ZNF33B: variants seen among roughly 807,000 people sequenced by gnomAD.
The protein encoded by ZNF33B is zinc finger protein 33B.
In ZNF33B, 29 loss-of-function variants were observed where a neutral mutation model predicts 45.8. That is an observed-to-expected ratio of 0.63 (90% confidence interval 0.47 to 0.86). The LOEUF (loss-of-function observed/expected upper bound fraction) is 0.86. ZNF33B is among the 40% of genes least tolerant of loss of function. The probability of loss-of-function intolerance (pLI) is 0.00; values close to 1 mark genes in which losing one functional copy is unlikely to be tolerated. For synonymous variants in ZNF33B, 305 were observed against 307.8 expected (o/e 0.99, Z 0.10); for missense variants, 831 against 909.9 (o/e 0.91, Z 1.12).
chr10:42,636,854 TACTG>T lies in ZNF33B; in HGVS notation c.9+62_9+65del. Reference sequence around the variant, plus strand: ...CAAACAAAACAAAACAAAAAAACCATACTGACTCTTACAAATCTCACAAAGTCCA... The same window carrying T: ...CAAACAAAACAAAACAAAAAAACCATACTCTTACAAATCTCACAAAGTCCA... On this transcript the variant is annotated intron_variant, in intron 2 of 4. Transcript: ENST00000359467. 3.1e-6 allele frequency: 5 copies of T among 1,607,952 alleles called. No homozygotes were observed. In the South Asian group the frequency reaches 5.5e-5, roughly 18 times the overall value.
At chr10:42,602,682 A>G (rs552301877) in intron 4 of ZNF33B, among the ~76,000 whole-genome samples, 14 of 152,286 alleles carry the variant, frequency 9.2e-5, no homozygotes, top group Admixed American at 9.2e-4. Flanking sequence ...TTTGGGGCAC[A>G]TTACTCCTCA....
At chr10:42,608,448 C>T (rs930620553) in intron 4 of ZNF33B, among the ~76,000 whole-genome samples, 9 of 151,988 alleles carry the variant, frequency 5.9e-5, no homozygotes, top group African/African-American at 2.2e-4. Context: ...AAATTTAAAA[C>T]GATTCTCTGA....
intron 1 of ZNF33B, among the ~76,000 whole-genome samples, chr10:42,575,523 C>G (rs1164304412): frequency 2.6e-5 from 4 of 151,990 alleles, no homozygotes; most frequent in Non-Finnish European, 4.4e-5. Context: ...AGCTAATACA[C>G]TAAGACAAAT....
intron 4 of ZNF33B, among the ~76,000 whole-genome samples, chr10:42,628,428 G>A (rs1838910817): frequency 6.6e-6 from 1 of 152,286 alleles, no homozygotes; most frequent in African/African-American, 2.4e-5. Context: ...ATTGCTAAGA[G>A]GGAAGTGATG....
chr10:42,575,733 T>TACAC, intron 1 of ZNF33B, among the ~76,000 whole-genome samples: 1 of 143,142 alleles, frequency 7.0e-6, no homozygotes, highest in East Asian at 2.0e-4. Context: ...TATATACATA[T>TACAC]ATATTTTTTT....
intron 4 of ZNF33B, among the ~76,000 whole-genome samples, chr10:42,608,413 G>C (rs1313848140): frequency 6.6e-6 from 1 of 152,040 alleles, no homozygotes; most frequent in East Asian, 1.9e-4. Context: ...TTCTTTAAAA[G>C]TACACATGAA....
rs375848515 is a variant in ZNF33B, at chr10:42,636,685, C to T, written c.9+235G>A. On this transcript the variant is annotated intron_variant, in intron 2 of 4. Coordinates refer to ENST00000359467, the MANE Select transcript of ZNF33B (RefSeq NM_006955.3). ...AATGCAAAAAATTAGCCAGGCGTGG[C>T]GGCCTGCGCCTGTAGTCCCAGCCAA... The T allele has an allele frequency of 7.3e-6, 4 of 544,906 alleles. No homozygotes were observed. The African/African-American group carries it at 7.6e-5, about 10-fold the overall frequency. The allele number at this position is 544,906 out of a possible 1,614,324, so 33.8% of individuals were successfully genotyped here.
intron 4 of ZNF33B, among the ~76,000 whole-genome samples, chr10:42,600,847 C>T (rs1267967307): frequency 6.6e-6 from 1 of 152,054 alleles, no homozygotes; most frequent in East Asian, 1.9e-4. Context: ...TGTATAAAGT[C>T]AATATCCTTT....
In ZNF33B at chr10:42,613,386, A is replaced by G. The variant is rs567458452; in HGVS notation, c.250+18543T>C. Reference sequence around the variant, plus strand: ...AACATGGCAAAATCCCATCTCTACTAAAAACACAAAAATTGGCTGGGCATG... The same window carrying G: ...AACATGGCAAAATCCCATCTCTACTGAAAACACAAAAATTGGCTGGGCATG... On this transcript the variant is annotated intron_variant, in intron 4 of 4. Coordinates refer to ENST00000359467, the MANE Select transcript of ZNF33B (RefSeq NM_006955.3). Among the ~76,000 whole-genome samples the G allele has an allele frequency of 3.3e-5, 5 of 152,136 alleles. No individual in the cohort carries two copies. The South Asian group carries it at 1.0e-3, about 32-fold the overall frequency.
At chr10:42,579,793 T>C (rs1476953806) in intron 1 of ZNF33B, 1 of 154,380 alleles carries the variant, frequency 6.5e-6, no homozygotes, top group African/African-American at 2.4e-5. Context: ...GCAGAACTCC[T>C]ACCCTGGCAT....
intron 2 of ZNF33B, among the ~76,000 whole-genome samples, chr10:42,634,423 AAATTTATATATAGGTTC>A (rs1839197401): frequency 6.6e-6 from 1 of 152,090 alleles, no homozygotes; most frequent in African/African-American, 2.4e-5. Context: ...AATTCCTCCC[AAATTTATATATAGGTTC>A]AATTCAACCC....
chr10:42,604,660 C>G (rs1360704533), intron 4 of ZNF33B, among the ~76,000 whole-genome samples: 1 of 152,150 alleles, frequency 6.6e-6, no homozygotes, highest in African/African-American at 2.4e-5. Context: ...CGCCTGTAAT[C>G]CCAGCACTCT....
intron 4 of ZNF33B, among the ~76,000 whole-genome samples, chr10:42,619,157 C>A (rs1395224487): frequency 6.6e-6 from 1 of 151,310 alleles, no homozygotes; most frequent in Non-Finnish European, 1.5e-5. Context: ...TAAAAACCAA[C>A]CTTGTTAGAA....
At position 42,625,420 on chromosome 10, in the gene ZNF33B, AT is replaced by A. The variant is rs1444805337; in HGVS notation, c.250+6508del. On this transcript the variant is annotated intron_variant, in intron 4 of 4. Coordinates refer to ENST00000359467, the MANE Select transcript of ZNF33B (RefSeq NM_006955.3). ...AATTGATTATATGTGTTCATCTTGG[AT>A]CCTGAAACTTTTTGGAAATCATTCA... Among the ~76,000 whole-genome samples the A allele has an allele frequency of 3.3e-5, 5 of 152,198 alleles. No homozygotes were observed. The East Asian group carries it at 9.6e-4, about 29-fold the overall frequency.
chr10:42,585,599 G>A (rs1230043080), downstream of ZNF33B, among the ~76,000 whole-genome samples: 2 of 152,186 alleles, frequency 1.3e-5, no homozygotes, highest in Non-Finnish European at 2.9e-5. Context: ...TACTGATAAT[G>A]AATAGTGTTC....
intron 2 of ZNF33B, 121 bp downstream of exon 2, chr10:42,636,799 G>C: frequency 7.1e-7 from 1 of 1,416,752 alleles, no homozygotes; most frequent in Non-Finnish European, 9.9e-7. Flanking sequence ...CTGCGCTCCA[G>C]CCTGGGCGAC....
chr10:42,586,229 C>A (rs1278360650), downstream of ZNF33B, among the ~76,000 whole-genome samples: 6 of 147,774 alleles, frequency 4.1e-5, no homozygotes, highest in Non-Finnish European at 7.4e-5. Context: ...TCTCAGCTCA[C>A]TGCAAGCTCC....
chr10:42,628,234 T>C (rs1429713332), intron 4 of ZNF33B, among the ~76,000 whole-genome samples: 3 of 152,290 alleles, frequency 2.0e-5, no homozygotes, highest in African/African-American at 7.2e-5. Context: ...CAGGCTACTC[T>C]TGAACTCCTG....
At chr10:42,601,680 G>C (rs920906519) in intron 4 of ZNF33B, among the ~76,000 whole-genome samples, 1 of 151,346 alleles carries the variant, frequency 6.6e-6, no homozygotes, top group African/African-American at 2.4e-5. Flanking sequence ...TGCCACGTTC[G>C]CCAAGATAGT....
Sources: gnomAD v4.1 joint callset for allele counts (sites outside exome capture counted in the v4.1 genomes callset) on GRCh38, gnomAD v4.1.1 for gene constraint, MANE v1.5 for transcripts, NCBI Gene and HGNC (gene_info 2026-07-23, HGNC 2026-07-21) for gene names.